Variants in HCFC1 observed in about 807,000 individuals in gnomAD.
HCFC1 encodes the protein host cell factor 1.
Under a neutral mutation model 105.5 loss-of-function variants are expected in HCFC1, and 7 were observed. The ratio of observed to expected loss-of-function variants is 0.07; its 90% CI spans 0.04 to 0.12. The LOEUF is 0.12. HCFC1 is among the 10% of genes least tolerant of loss of function. The pLI is 1.00. For synonymous variants in HCFC1, 918 were observed against 828.1 expected (o/e 1.11, Z -1.86); for missense variants, 1,065 against 1,823.6 (o/e 0.58, Z 7.58).
chrX:153,954,831 C>A lies in HCFC1; in HGVS notation c.3568G>T (p.Gly1190Cys). ...GCCATGCTCGGCCCAAGGAGTGGGC[C>A]GGCCGAGCACGGGGCCCCGGTGGCC... ...VMATGAPCSA[G>C]PLLGPSMARE... is the part of the protein sequence containing the mutation. Residue 1190 changes from glycine to cysteine, a missense_variant, in exon 17 of 26, where the codon GGC becomes TGC. Around this residue, in one of 17 missense-constraint regions of HCFC1, gnomAD observed 546 missense variants for 599.9 expected, o/e 0.91. Coordinates refer to ENST00000310441, the MANE Select transcript of HCFC1 (RefSeq NM_005334.3). 8.7e-7 allele frequency: 1 copy of A among 1,151,005 alleles called. No homozygotes were observed. The highest frequency in any genetic ancestry group is 2.0e-5 in the South Asian group (1 of 51,035). 94.9% of individuals were successfully genotyped at this position (1,151,005 alleles called of 1,213,427 possible).
At chrX:153,951,755 C>T in intron 20 of HCFC1, 48 bp from the exon 21 acceptor site, 3 of 1,179,270 alleles carry the variant, frequency 2.5e-6, no homozygotes, top group African/African-American at 1.7e-5. Flanking sequence ...AAACCTGGCT[C>T]CCAAGTGAGA....
At chrX:153,962,330 G>A (rs1557117246) in intron 4 of HCFC1, 24 bp from the exon 5 acceptor site, 1 of 1,086,583 alleles carries the variant, frequency 9.2e-7, no homozygotes, top group South Asian at 1.9e-5. Context: ...GAGGGGAAAG[G>A]GTTACACAAG....
rs2065409577 is a variant in HCFC1 at position 153,959,533 on chromosome X, A to G, written c.1445-42T>C. 2.5e-6 allele frequency: 3 copies of G among 1,197,307 alleles called. No homozygotes were observed. In the Admixed American group the frequency reaches 6.7e-5, roughly 27 times the overall value. ...CCAGCCGTCAGCCATCACCTTCTGCACGATGTCCCCAGCCCCTTTGCAGGC... is the reference window on the plus strand; with the variant it reads ...CCAGCCGTCAGCCATCACCTTCTGCGCGATGTCCCCAGCCCCTTTGCAGGC... On this transcript the variant is annotated intron_variant, in intron 8 of 25. Coordinates refer to ENST00000310441, the MANE Select transcript of HCFC1 (RefSeq NM_005334.3).
rs782514310 is a variant in HCFC1 at position 153,951,867 on chromosome X, G to A, written c.5234C>T (p.Ala1745Val). The part of the protein sequence containing the change: ...ELAGTVPSTV[A>V]LLPSTATESL... The stretch of plus-strand genomic sequence containing the variant: ...CTCAGTGGCCGTTGAGGGCAGCAGC[G>A]CCACAGTGCTGGGGACCGTGCCGGC... The change falls in exon 20 of 26, where the codon GCG becomes GTG. Residue 1745 changes from alanine (A) to valine (V), a missense_variant. Transcript: ENST00000310441. 5.9e-6 allele frequency: 7 copies of A among 1,194,722 alleles called. No individual in the cohort carries two copies. The highest frequency in any genetic ancestry group is 3.5e-5 in the African/African-American group (2 of 57,324).
At chrX:153,951,729 G>C in intron 20 of HCFC1, 22 bp from the exon 21 acceptor site, 2 of 1,191,359 alleles carry the variant, frequency 1.7e-6, no homozygotes, top group Admixed American at 2.3e-5. Context: ...GAAGGTGTCA[G>C]CGGGAAAGAC....
chrX:153,956,027 T>C (rs1280604393), intron 16 of HCFC1, among the ~76,000 whole-genome samples, 164 bp downstream of exon 16: 1 of 113,002 alleles, frequency 8.8e-6, no homozygotes, highest in Non-Finnish European at 1.9e-5. Flanking sequence ...AGGGACCATG[T>C]GACACCAGGG....
chrX:153,949,725 G>C (rs1221093340), intron 24 of HCFC1, 109 bp from the exon 25 acceptor site: 8 of 732,709 alleles, frequency 1.1e-5, no homozygotes, highest in Non-Finnish European at 1.7e-5. Flanking sequence ...GGCATGACCC[G>C]CAGCTGGCAA....
chrX:153,960,112 G>C lies in HCFC1; in HGVS notation c.1134C>G (p.Asn378Lys), dbSNP rs781896604. The part of the protein sequence containing the change: ...ARVQLVRANT[N>K]SLEVSWGAVA... ...CTGCCCCCCAGCTCACCTCCAGGGA[G>C]TTGGTGTTGGCGCGTACCAGTTGTA... is the stretch of plus-strand genomic sequence containing the variant. The change falls in exon 8 of 26, where the codon AAC becomes AAG. Residue 378 changes from asparagine to lysine, a missense_variant. Transcript: ENST00000310441. The C allele has an allele frequency of 8.3e-7, 1 of 1,209,756 alleles. No homozygotes were observed. The highest frequency in any genetic ancestry group is 1.1e-6 in the Non-Finnish European group (1 of 895,010).
chrX:153,957,161 G>T, intron 13 of HCFC1, 101 bp from the exon 14 acceptor site: 2 of 1,023,517 alleles, frequency 2.0e-6, no homozygotes, highest in Non-Finnish European at 2.7e-6. Context: ...CCATAGCCCT[G>T]CCCATCTCCT....
intron 20 of HCFC1, 26 bp from the exon 21 acceptor site, chrX:153,951,733 G>T (rs782266867): frequency 8.4e-7 from 1 of 1,187,467 alleles, no homozygotes; most frequent in Admixed American, 2.3e-5. Flanking sequence ...GTGTCAGCGG[G>T]AAAGACTCGG....
At chrX:153,952,346 A>G (rs1402947518) in intron 19 of HCFC1, among the ~76,000 whole-genome samples, 168 bp downstream of exon 19, 2 of 113,656 alleles carry the variant, frequency 1.8e-5, no homozygotes, top group African/African-American at 3.2e-5. Flanking sequence ...CCTGTTCTAC[A>G]CGGCAGTCTC....
At chrX:153,951,159 C>T (rs2065307122) in intron 22 of HCFC1, among the ~76,000 whole-genome samples, 161 bp from the exon 23 acceptor site, 1 of 112,172 alleles carries the variant, frequency 8.9e-6, no homozygotes, top group Admixed American at 9.4e-5. Flanking sequence ...TGACTGTGGC[C>T]CGGTACTGGC....
intron 10 of HCFC1, 84 bp from the exon 11 acceptor site, chrX:153,958,333 T>G: frequency 1.2e-6 from 1 of 801,883 alleles, no homozygotes; most frequent in Non-Finnish European, 1.8e-6. Context: ...GGCCCATAGC[T>G]CCTGCCTCAA....
At chrX:153,962,844 T>C (rs1193463030) in intron 4 of HCFC1, among the ~76,000 whole-genome samples, 1 of 111,578 alleles carries the variant, frequency 9.0e-6, no homozygotes, top group Admixed American at 9.5e-5. Context: ...GGCCTCACGG[T>C]TTACCGGCAT....
chrX:153,953,842 G>C, intron 17 of HCFC1, 72 bp from the exon 18 acceptor site: 1 of 1,062,239 alleles, frequency 9.4e-7, no homozygotes, highest in Non-Finnish European at 1.3e-6. Context: ...ACCACCACAG[G>C]CTTCCTCTAC....
chrX:153,954,276 C>T lies in HCFC1; in HGVS notation c.4123G>A (p.Ala1375Thr), dbSNP rs782203212. 6.7e-6 allele frequency: 8 copies of T among 1,199,984 alleles called. No homozygotes were observed. In the South Asian group the frequency reaches 7.2e-5, roughly 11 times the overall value. Reference protein sequence around the residue: ...TGTTMSVSVGALLPDATSSHR... With the variant: ...TGTTMSVSVGTLLPDATSSHR... Reference sequence around the variant, plus strand: ...GAAGAAGTGGCGTCGGGAAGCAGGGCACCCACGCTGACCGACATGGTGGTG... The same window carrying T: ...GAAGAAGTGGCGTCGGGAAGCAGGGTACCCACGCTGACCGACATGGTGGTG... Residue 1375 changes from alanine (A) to threonine (T), a missense_variant, in exon 17 of 26, where the codon GCC becomes ACC. Physicochemically the swap from Ala to Thr is moderately conservative, Grantham distance 58. Coordinates refer to ENST00000310441, the MANE Select transcript of HCFC1 (RefSeq NM_005334.3).
intron 1 of HCFC1, among the ~76,000 whole-genome samples, chrX:153,966,653 T>C (rs1175501872): frequency 9.0e-6 from 1 of 111,605 alleles, no homozygotes; most frequent in Non-Finnish European, 1.9e-5. Flanking sequence ...TCTCGGTAGG[T>C]AAAGGGGCAG....
intron 13 of HCFC1, 25 bp from the exon 14 acceptor site, chrX:153,957,085 G>A: frequency 2.5e-6 from 3 of 1,198,236 alleles, no homozygotes; most frequent in South Asian, 3.6e-5. Context: ...GGGGCCCAGG[G>A]GAGACAGGCT....
chrX:153,955,308 T>C lies in HCFC1; in HGVS notation c.3091A>G (p.Thr1031Ala). The C allele has an allele frequency of 8.3e-7, 1 of 1,211,011 alleles. No homozygotes were observed. Among genetic ancestry groups the C allele is most frequent in the East Asian group, 3.0e-5 (1 of 33,826 alleles). The change falls in exon 17 of 26, where the codon ACT becomes GCT. Residue 1031 changes from threonine to alanine, a missense_variant. Transcript: ENST00000310441. ...HETGTTNTAT[T>A]TVVANLGGHP... is the part of the protein sequence containing the mutation. ...CCCCCAAGGTTAGCCACAACAGTAG[T>C]GGTGGCCGTGTTGGTGGTGCCAGTC...
Sources: gnomAD v4.1 joint callset for allele counts (sites outside exome capture counted in the v4.1 genomes callset) on GRCh38, gnomAD v4.1.1 for gene constraint, gnomAD v4.1.1 regional missense constraint, MANE v1.5 for transcripts, NCBI Gene and HGNC (gene_info 2026-07-23, HGNC 2026-07-21) for gene names.